Variants in ACBD5 observed in about 807,000 individuals in gnomAD.
The protein encoded by ACBD5 is acyl-CoA-binding domain-containing protein 5.
Under a neutral mutation model 71.8 loss-of-function variants are expected in ACBD5, and 40 were observed. That is an observed-to-expected ratio of 0.56 (90% CI 0.43 to 0.72). The LOEUF is 0.72. Ranked by LOEUF, ACBD5 falls within the 30% of genes least tolerant of loss-of-function variation. The probability of loss-of-function intolerance (pLI) is 0.00; values close to 1 mark genes in which losing one functional copy is unlikely to be tolerated. For missense variants in ACBD5, 559 were observed against 644.5 expected (o/e 0.87, Z 1.44); for synonymous variants, 229 against 218.6 (o/e 1.05, Z -0.42).
intron 12 of ACBD5, among the ~76,000 whole-genome samples, chr10:27,203,693 C>T (rs965025904): frequency 2.0e-4 from 30 of 152,038 alleles, no homozygotes; most frequent in African/African-American, 7.0e-4. Context: ...GAGCTGAGAT[C>T]GTGCCACTGC....
intron 13 of ACBD5, chr10:27,186,272 AGTAAG>A: frequency 1.8e-6 from 2 of 1,139,018 alleles, no homozygotes; most frequent in Non-Finnish European, 2.6e-6. Context: ...GACATAATAA[AGTAAG>A]GTAAGTTATA....
downstream of ACBD5, among the ~76,000 whole-genome samples, chr10:27,192,126 G>C (rs1418797719): frequency 6.6e-6 from 1 of 152,000 alleles, no homozygotes; most frequent in Non-Finnish European, 1.5e-5. Context: ...TAAAATCAAA[G>C]ATGGAAAAGG....
At chr10:27,211,813 A>G (rs973612702) in intron 8 of ACBD5, among the ~76,000 whole-genome samples, 4 of 152,306 alleles carry the variant, frequency 2.6e-5, no homozygotes, top group Non-Finnish European at 5.9e-5. Context: ...ACATCGATGG[A>G]TGACAACCTA....
intron 12 of ACBD5, among the ~76,000 whole-genome samples, chr10:27,199,622 T>C (rs1050157279): frequency 3.3e-5 from 5 of 152,190 alleles, no homozygotes; most frequent in African/African-American, 1.2e-4. Context: ...AGCCAGGGCC[T>C]GACTTTTTGT....
chr10:27,237,808 G>T (rs1204532251), intron 2 of ACBD5, among the ~76,000 whole-genome samples: 1 of 151,586 alleles, frequency 6.6e-6, no homozygotes, highest in Non-Finnish European at 1.5e-5. Flanking sequence ...TTTAGTAGAA[G>T]TGGGGTTTCA....
At chr10:27,186,857 C>T (rs760506828) in intron 13 of ACBD5, 1 of 338,556 alleles carries the variant, frequency 3.0e-6, no homozygotes, top group African/African-American at 2.1e-5. Flanking sequence ...GATTTTCTTT[C>T]TCCTCTGATT....
chr10:27,215,195 T>C (rs773415157), intron 8 of ACBD5, among the ~76,000 whole-genome samples: 5 of 151,878 alleles, frequency 3.3e-5, no homozygotes, highest in Non-Finnish European at 5.9e-5. Flanking sequence ...AAGAAGATCA[T>C]TCAATTTTCC....
chr10:27,194,644 A>ATAATAG (rs1459869680), downstream of ACBD5, among the ~76,000 whole-genome samples: 1 of 149,064 alleles, frequency 6.7e-6, no homozygotes, highest in Non-Finnish European at 1.5e-5. Context: ...AATAATAATA[A>ATAATAG]TAATAAGATG....
At chr10:27,193,118 TG>T (rs2059150480), downstream of ACBD5, among the ~76,000 whole-genome samples, 1 of 7,210 alleles carries the variant, frequency 1.4e-4, no homozygotes, top group African/African-American at 1.4e-3. Context: ...TTCCTTCGTG[TG>T]TGTGTGTGTG....
chr10:27,219,943 ATAAC>A (rs1219523990), intron 5 of ACBD5, 86 bp from the exon 6 acceptor site: 5 of 1,212,062 alleles, frequency 4.1e-6, no homozygotes, highest in East Asian at 5.6e-5. Context: ...AAATTTACAA[ATAAC>A]TAATAAAATA....
chr10:27,196,480 G>A lies in ACBD5; in HGVS notation c.*950C>T, dbSNP rs1218097525. On this transcript the variant is annotated 3_prime_UTR_variant, in exon 13 of 13. Coordinates refer to ENST00000396271, the MANE Select transcript of ACBD5 (RefSeq NM_145698.5). ...GTATCTAAAATAGTATACCCCGAAGGAAAAACTGAGGCACTAAGAGGTTAA... is the reference window on the plus strand; with the variant it reads ...GTATCTAAAATAGTATACCCCGAAGAAAAAACTGAGGCACTAAGAGGTTAA... 1 of 454,390 alleles carries A rather than the reference G, an allele frequency of 2.2e-6. No individual in the cohort carries two copies. The highest frequency in any genetic ancestry group is 7.0e-5 in the East Asian group (1 of 14,386). 28.1% of individuals were successfully genotyped at this position (454,390 alleles called of 1,614,324 possible).
intron 13 of ACBD5, among the ~76,000 whole-genome samples, chr10:27,184,618 T>C (rs537671439): frequency 1.5e-5 from 2 of 132,198 alleles, no homozygotes; most frequent in Non-Finnish European, 1.5e-5. Flanking sequence ...TGGAGTGCAG[T>C]GGCATGATCT....
At chr10:27,238,471 T>C (rs909940918) in intron 2 of ACBD5, among the ~76,000 whole-genome samples, 1 of 152,224 alleles carries the variant, frequency 6.6e-6, no homozygotes, top group Non-Finnish European at 1.5e-5. Flanking sequence ...ACTACTTACA[T>C]AAAACTCTTA....
At chr10:27,191,748 G>A (rs374260039), downstream of ACBD5, among the ~76,000 whole-genome samples, 8 of 152,242 alleles carry the variant, frequency 5.3e-5, no homozygotes, top group South Asian at 2.1e-4. Flanking sequence ...AGCTGGGTGT[G>A]TGGTGGTGGG....
downstream of ACBD5, among the ~76,000 whole-genome samples, chr10:27,194,866 CGTGCCTGT>C (rs1416233565): frequency 6.7e-6 from 1 of 150,044 alleles, no homozygotes; most frequent in Non-Finnish European, 1.5e-5. Context: ...AGTGGTGGCA[CGTGCCTGT>C]ACTCCCAGCT....
chr10:27,212,215 G>A (rs1305158685), intron 8 of ACBD5, among the ~76,000 whole-genome samples: 2 of 152,158 alleles, frequency 1.3e-5, no homozygotes, highest in Admixed American at 6.6e-5. Flanking sequence ...CAGTCAGGGC[G>A]GCACATGCCT....
Position 27,231,752 on chromosome 10 carries a change from T to C in ACBD5, c.371A>G (p.Lys124Arg). ...EAMIAYVEEM[K>R]KIIETMPMTE... is the part of the protein sequence containing the mutation. ...ACTGTGAATTATTTTCCCTACCTTT[T>C]TCATTTCTTCAACATATGCAATCAT... The change falls in exon 4 of 13, where the codon AAA (lysine) becomes AGA (arginine). Residue 124 changes from lysine (K) to arginine (R), a missense_variant. Transcript: ENST00000396271. The C allele has an allele frequency of 6.2e-7, 1 of 1,613,664 alleles. No homozygotes were observed. Among genetic ancestry groups the C allele is most frequent in the Non-Finnish European group, 8.5e-7 (1 of 1,179,846 alleles).
Position 27,196,295 on chromosome 10 carries a change from G to GA in ACBD5, c.*1134dup. 2.2e-6 allele frequency: 1 copy of GA among 454,084 alleles called. No individual in the cohort carries two copies. The highest frequency in any genetic ancestry group is 1.6e-5 in the South Asian group (1 of 64,474). 28.1% of individuals were successfully genotyped at this position (454,084 alleles called of 1,614,324 possible). ...GCAGGAAGTTTTGGAAGGCATACAG[G>GA]AAAAGTCTCCAAGGATCTAAATTGT... is the stretch of plus-strand genomic sequence containing the variant. On this transcript the variant is annotated 3_prime_UTR_variant, in exon 13 of 13. Transcript: ENST00000396271.
At chr10:27,214,485 G>C (rs2061424929) in intron 8 of ACBD5, among the ~76,000 whole-genome samples, 1 of 151,930 alleles carries the variant, frequency 6.6e-6, no homozygotes, top group Non-Finnish European at 1.5e-5. Context: ...GGGATTACAG[G>C]TGTGAGCCAC....
Sources: allele counts gnomAD v4.1 joint callset (sites outside exome capture counted in the v4.1 genomes callset), GRCh38; gene constraint gnomAD v4.1.1; transcripts MANE v1.5; gene names NCBI Gene and HGNC (gene_info 2026-07-23, HGNC 2026-07-21).